ING3: variants seen among roughly 807,000 people sequenced by gnomAD.
The protein encoded by ING3 is inhibitor of growth family member 3, also known as inhibitor of growth protein 3.
ING3 carries 6 observed loss-of-function variants against 64.8 expected under a neutral mutation model. That is an observed-to-expected ratio of 0.09 (90% CI 0.05 to 0.18). ING3 has a LOEUF of 0.18. ING3 is among the 10% of genes least tolerant of loss of function. ING3 has a pLI of 1.00. For synonymous variants in ING3, 170 were observed against 173.7 expected (o/e 0.98, Z 0.17); for missense variants, 310 against 489.7 (o/e 0.63, Z 3.46).
rs367886231 is a variant in ING3, at chr7:120,970,669, C to G, written c.909-19C>G. 13 of 1,611,954 alleles carry G rather than the reference C, an allele frequency of 8.1e-6. No homozygotes were observed. The Admixed American group carries it at 1.3e-4, about 17-fold the overall frequency. On this transcript the variant is annotated intron_variant, in intron 9 of 11. Transcript: ENST00000315870. ...ACTTCTGGATGGTGAGCAAATAAAA[C>G]TTATACTATTTTTTTCAGAAACAAC...
intron 5 of ING3, among the ~76,000 whole-genome samples, chr7:120,965,673 C>T (rs936222013): frequency 1.3e-5 from 2 of 152,066 alleles, no homozygotes; most frequent in Admixed American, 6.5e-5. Flanking sequence ...GATTTCTTTA[C>T]AGTGCCAATC....
intron 4 of ING3, among the ~76,000 whole-genome samples, chr7:120,959,388 T>G (rs1795898380): frequency 6.6e-6 from 1 of 152,200 alleles, no homozygotes; most frequent in Non-Finnish European, 1.5e-5. Flanking sequence ...AATTATACGT[T>G]AATTATTCCT....
intron 4 of ING3, among the ~76,000 whole-genome samples, chr7:120,958,289 A>C (rs1193699176): frequency 1.3e-5 from 2 of 151,508 alleles, no homozygotes; most frequent in Non-Finnish European, 2.9e-5. Flanking sequence ...TATATCCTTA[A>C]TATAAAAAAT....
At chr7:120,951,053 G>A in intron 1 of ING3, 111 bp from the exon 2 acceptor site, 1 of 1,510,468 alleles carries the variant, frequency 6.6e-7, no homozygotes, top group Non-Finnish European at 9.2e-7. Flanking sequence ...GTAACTGGCA[G>A]CCTCGTTGTG....
intron 4 of ING3, among the ~76,000 whole-genome samples, chr7:120,960,295 A>C (rs193021122): frequency 1.3e-5 from 2 of 152,284 alleles, no homozygotes; most frequent in African/African-American, 4.8e-5. Flanking sequence ...GAGCTAATGC[A>C]TGGGGGCCTT....
At chr7:120,967,734 A>G in intron 7 of ING3, 86 bp downstream of exon 7, 2 of 1,395,626 alleles carry the variant, frequency 1.4e-6, no homozygotes, top group Non-Finnish European at 2.0e-6. Context: ...AATGAATCAT[A>G]CAGTTTCTTT....
At chr7:120,961,571 AAAAG>A (rs1316024999) in intron 4 of ING3, among the ~76,000 whole-genome samples, 6 of 152,242 alleles carry the variant, frequency 3.9e-5, no homozygotes, top group Non-Finnish European at 5.9e-5. Flanking sequence ...AGAGAGTCAA[AAAAG>A]AAAGAGTCAA....
intron 4 of ING3, among the ~76,000 whole-genome samples, chr7:120,958,120 G>C (rs185101822): frequency 1.3e-5 from 2 of 152,192 alleles, no homozygotes; most frequent in East Asian, 3.9e-4. Context: ...TAGTATCTCT[G>C]AGGCTTCTTT....
intron 4 of ING3, among the ~76,000 whole-genome samples, chr7:120,963,751 C>G (rs572013767): frequency 5.9e-5 from 9 of 152,120 alleles, no homozygotes; most frequent in Non-Finnish European, 8.8e-5. Flanking sequence ...ACCTTTCTCC[C>G]CTTCTTCCTC....
Position 120,967,511 on chromosome 7 carries a change from T to C in ING3, c.437-18T>C. On this transcript the variant is annotated intron_variant, in intron 6 of 11. Transcript: ENST00000315870. Reference sequence around the variant, plus strand: ...TCTCTAAAGTTTAAAAACACATGAATTTTTTATTTATATTTAGAAAGGAAA... The same window carrying C: ...TCTCTAAAGTTTAAAAACACATGAACTTTTTATTTATATTTAGAAAGGAAA... The C allele has an allele frequency of 6.7e-7, 1 of 1,493,746 alleles. No homozygotes were observed. Among genetic ancestry groups the C allele is most frequent in the Non-Finnish European group, 9.1e-7 (1 of 1,095,942 alleles). The allele number at this position is 1,493,746 out of a possible 1,614,324, so 92.5% of individuals were successfully genotyped here.
At chr7:120,960,705 G>A (rs74430900) in intron 4 of ING3, among the ~76,000 whole-genome samples, 4,627 of 152,106 alleles carry the variant, frequency 0.03, 121 homozygotes, top group Non-Finnish European at 0.041. Flanking sequence ...TTTGTTTTAG[G>A]GTTCCGGTAG....
chr7:120,956,535 A>G, intron 4 of ING3: 2 of 1,029,988 alleles, frequency 1.9e-6, no homozygotes, highest in Non-Finnish European at 2.3e-6. Context: ...GCCATGGAAA[A>G]TGTCTAGTTG....
rs141835756 is a variant in ING3 at position 120,951,086 on chromosome 7, C to T, written c.29-78C>T. 1,254 of 1,561,818 alleles carry T rather than the reference C, an allele frequency of 8.0e-4. 1 individual carries two copies. The highest frequency in any genetic ancestry group is 1.1e-3 in the Non-Finnish European group (1,201 of 1,133,730). On this transcript the variant is annotated intron_variant, in intron 1 of 11. Transcript: ENST00000315870. ...GTGGGCTGCCGGCCCCCTCGACCCC[C>T]CTGACGCACGCGCGCAGTGACGTAA...
intron 3 of ING3, among the ~76,000 whole-genome samples, chr7:120,955,290 G>A (rs769246386): frequency 3.3e-5 from 5 of 151,990 alleles, no homozygotes; most frequent in South Asian, 2.1e-4. Context: ...TACCATGCCC[G>A]GCTAATTTTT....
intron 4 of ING3, among the ~76,000 whole-genome samples, chr7:120,961,066 T>G (rs1176876827): frequency 1.3e-5 from 2 of 152,174 alleles, no homozygotes; most frequent in Non-Finnish European, 2.9e-5. Flanking sequence ...CCTATAAATT[T>G]GAGAGTTTTC....
In ING3 at chr7:120,975,804, T is replaced by C. The variant is rs1796128251; in HGVS notation, c.*960T>C. 1 of 152,212 alleles carries C rather than the reference T, an allele frequency of 6.6e-6. No individual in the cohort carries two copies. The highest frequency in any genetic ancestry group is 1.5e-5 in the Non-Finnish European group (1 of 68,038). 9.4% of individuals were successfully genotyped at this position (152,212 alleles called of 1,614,324 possible). A position where few individuals can be genotyped will look rare whatever the true frequency, so the allele number is the denominator to read the frequency against. On this transcript the variant is annotated 3_prime_UTR_variant, in exon 12 of 12. Coordinates refer to ENST00000315870, the MANE Select transcript of ING3 (RefSeq NM_019071.3). ...CTTTAATGATGTTTAGAGTTTGTGA[T>C]ATAAGAATACAGGAAAGACATTTTT... is the stretch of plus-strand genomic sequence containing the variant.
At chr7:120,963,794 T>A (rs1459201696) in intron 4 of ING3, among the ~76,000 whole-genome samples, 8 of 152,160 alleles carry the variant, frequency 5.3e-5, no homozygotes, top group African/African-American at 1.9e-4. Flanking sequence ...TTCTAAACCT[T>A]ACTTAAAATG....
rs936976081 is a variant in ING3, at chr7:120,955,879, T to C, written c.267+255T>C. 3 of 569,544 alleles carry C rather than the reference T, an allele frequency of 5.3e-6. No individual in the cohort carries two copies. In the African/African-American group the frequency reaches 5.7e-5, roughly 11 times the overall value. 35.3% of individuals were successfully genotyped at this position (569,544 alleles called of 1,614,324 possible). A position where few individuals can be genotyped will look rare whatever the true frequency, so the allele number is the denominator to read the frequency against. ...GTAAGGTGGTTTCTGATGTTAGATA[T>C]TTTTTAAACAAGAATTAATGTTTAA... On this transcript the variant is annotated intron_variant, in intron 4 of 11. Coordinates refer to ENST00000315870, the MANE Select transcript of ING3 (RefSeq NM_019071.3).
Position 120,970,818 on chromosome 7 carries a change from T to G in ING3, c.1039T>G (p.Ser347Ala). 2 of 1,613,904 alleles carry G rather than the reference T, an allele frequency of 1.2e-6. No homozygotes were observed. The highest frequency in any genetic ancestry group is 1.7e-6 in the Non-Finnish European group (2 of 1,179,816). Reference sequence around the variant, plus strand: ...AACAACTGTAGTGCCAGAATCTGATTCAAATAGTCAGGTTGATTGGACTTA... The same window carrying G: ...AACAACTGTAGTGCCAGAATCTGATGCAAATAGTCAGGTTGATTGGACTTA... The part of the protein sequence containing the change: ...QQTTVVPESD[S>A]NSQVDWTYDP... Residue 347 changes from serine (S) to alanine (A), a missense_variant, in exon 10 of 12, where the codon TCA becomes GCA. Around this residue, in one of 3 missense-constraint regions of ING3, gnomAD observed 233 missense variants for 289.4 expected, o/e 0.81. Coordinates refer to ENST00000315870, the MANE Select transcript of ING3 (RefSeq NM_019071.3).
Sources: allele counts gnomAD v4.1 joint callset (sites outside exome capture counted in the v4.1 genomes callset), GRCh38; gene constraint gnomAD v4.1.1; regional missense constraint gnomAD v4.1.1; transcripts MANE v1.5; gene names NCBI Gene and HGNC (gene_info 2026-07-23, HGNC 2026-07-21).